Variants in KANK1 observed in about 807,000 individuals in gnomAD.
KANK1 encodes KN motif and ankyrin repeat domain-containing protein 1.
Under a neutral mutation model 106.2 loss-of-function variants are expected in KANK1, and 109 were observed. The ratio of observed to expected loss-of-function variants is 1.03; its 90% CI spans 0.88 to 1.20. The LOEUF (loss-of-function observed/expected upper bound fraction) is 1.20. Among genes scored for constraint, KANK1 ranks in the 50% most tolerant of loss-of-function variants. KANK1 has a pLI of 0.00. For synonymous variants in KANK1, 873 were observed against 652.2 expected (o/e 1.34, Z -5.16); for missense variants, 2,399 against 1,710.7 (o/e 1.40, Z -7.10).
chr9:597,799 G>T (rs1429043553), intron 1 of KANK1, among the ~76,000 whole-genome samples: 3 of 151,556 alleles, frequency 2.0e-5, no homozygotes, highest in African/African-American at 7.3e-5. Flanking sequence ...GGGTAGCTGG[G>T]ATTACAGGCA....
chr9:609,098 C>T (rs75780516), intron 1 of KANK1, among the ~76,000 whole-genome samples: 5,843 of 151,730 alleles, frequency 0.039, 128 homozygotes, highest in Non-Finnish European at 0.055. Flanking sequence ...TGACCCCTAA[C>T]CCTTCAGAAA....
chr9:693,041 T>C (rs982733631), intron 2 of KANK1, among the ~76,000 whole-genome samples: 11 of 151,846 alleles, frequency 7.2e-5, no homozygotes, highest in Non-Finnish European at 1.2e-4. Flanking sequence ...TGAATTTAAA[T>C]CATTAGGGGA....
At chr9:686,683 T>C (rs1383970567) in intron 2 of KANK1, 1 of 866,900 alleles carries the variant, frequency 1.2e-6, no homozygotes, top group Non-Finnish European at 1.4e-6. Context: ...GGGACAACTG[T>C]TTGGCAGTGT....
At chr9:684,541 C>G (rs146742630) in intron 2 of KANK1, 3 of 984,068 alleles carry the variant, frequency 3.0e-6, no homozygotes, top group African/African-American at 3.5e-5. Context: ...TTTGAAAACT[C>G]TGTGCTCTGC....
intron 3 of KANK1, among the ~76,000 whole-genome samples, chr9:727,146 G>A (rs1006153966): frequency 8.5e-5 from 13 of 152,122 alleles, no homozygotes; most frequent in African/African-American, 3.1e-4. Flanking sequence ...CTTACAAGCA[G>A]ACTGTCTGCC....
intron 1 of KANK1, among the ~76,000 whole-genome samples, chr9:528,566 C>A (rs1005570067): frequency 7.5e-6 from 1 of 134,072 alleles, no homozygotes; most frequent in Non-Finnish European, 1.6e-5. Flanking sequence ...ACTGCAGTCT[C>A]TGCCTTCTGG....
rs1311911634 is a variant in KANK1, at chr9:731,180, A to T, written c.2919A>T (p.Thr973=). 1 of 1,609,626 alleles carries T rather than the reference A, an allele frequency of 6.2e-7. No individual in the cohort carries two copies. Among genetic ancestry groups the T allele is most frequent in the Non-Finnish European group, 8.5e-7 (1 of 1,176,218 alleles). Residue 973 remains threonine, a synonymous_variant, in exon 5 of 12, where the codon ACA becomes ACT. Transcript: ENST00000382297. The part of the protein sequence containing the change: ...GLYACTNNES[T]LKSIMKKKDG... ...CAGCATGTACAAACAATGAAAGTACACTGAAGTCCATCATGAAGAAGAAAG... is the reference window on the plus strand; with the variant it reads ...CAGCATGTACAAACAATGAAAGTACTCTGAAGTCCATCATGAAGAAGAAAG...
intron 3 of KANK1, among the ~76,000 whole-genome samples, chr9:491,687 A>C (rs1564120132): frequency 6.6e-6 from 1 of 152,142 alleles, no homozygotes; most frequent in Non-Finnish European, 1.5e-5. Context: ...GTCAAACACA[A>C]ATCACCTAAA....
chr9:669,649 G>A (rs1746574758), intron 1 of KANK1, among the ~76,000 whole-genome samples: 1 of 151,900 alleles, frequency 6.6e-6, no homozygotes, highest in Non-Finnish European at 1.5e-5. Context: ...GCTGCTTTTA[G>A]TATCCTCTTT....
intron 1 of KANK1, among the ~76,000 whole-genome samples, chr9:664,651 C>G (rs951296410): frequency 3.3e-5 from 5 of 152,166 alleles, no homozygotes; most frequent in African/African-American, 1.2e-4. Flanking sequence ...GTACAGATCT[C>G]TCTTCAATAT....
rs1357473171 is a variant in KANK1, at chr9:661,507, A to C, written c.-83-15383A>C. On this transcript the variant is annotated intron_variant, in intron 1 of 11. Coordinates refer to ENST00000382297, the MANE Select transcript of KANK1 (RefSeq NM_015158.5). ...CCATGGTGTATATGTGCCACGTTTT[A>C]TTAATCCAGTCTATCATTGATGGGC... Among the ~76,000 whole-genome samples, 6 of 152,142 alleles carry C rather than the reference A, an allele frequency of 3.9e-5. No homozygotes were observed. The East Asian group carries it at 7.7e-4, about 20-fold the overall frequency.
chr9:673,745 A>G (rs534529332), intron 1 of KANK1: 1 of 152,142 alleles, frequency 6.6e-6, no homozygotes, highest in East Asian at 1.9e-4. Context: ...ACCTTGACAC[A>G]TACTTCATTC....
intron 1 of KANK1, among the ~76,000 whole-genome samples, chr9:531,988 A>G (rs373191022): frequency 7.6e-4 from 116 of 152,302 alleles, no homozygotes; most frequent in African/African-American, 2.7e-3. Flanking sequence ...AGGAATTTCA[A>G]CAACTTGTTT....
At chr9:655,502 C>T (rs1841947170) in intron 1 of KANK1, among the ~76,000 whole-genome samples, 1 of 152,132 alleles carries the variant, frequency 6.6e-6, no homozygotes. Flanking sequence ...CCTTCCACTT[C>T]AGTGTGCATA....
Position 712,985 on chromosome 9 carries a change from C to T in KANK1, c.2219C>T (p.Thr740Met), listed in dbSNP as rs778458204. 33 of 1,614,068 alleles carry T rather than the reference C, an allele frequency of 2.0e-5. No homozygotes were observed. The highest frequency in any genetic ancestry group is 4.5e-5 in the East Asian group (2 of 44,902). The change falls in exon 3 of 12, where the codon ACG becomes ATG. Residue 740 changes from threonine to methionine, a missense_variant. Coordinates refer to ENST00000382297, the MANE Select transcript of KANK1 (RefSeq NM_015158.5). Reference sequence around the variant, plus strand: ...AAGACGCGGTCCATTGGTGTTGGAACGTTGCTTTCTGGCCATTCTGGGTTT... The same window carrying T: ...AAGACGCGGTCCATTGGTGTTGGAATGTTGCTTTCTGGCCATTCTGGGTTT... The part of the protein sequence containing the change: ...STKTRSIGVG[T>M]LLSGHSGFDR...
chr9:722,800 T>G (rs1829703826), intron 3 of KANK1, among the ~76,000 whole-genome samples: 1 of 152,174 alleles, frequency 6.6e-6, no homozygotes, highest in Non-Finnish European at 1.5e-5. Flanking sequence ...CATGGACACT[T>G]ATTAAAGGCT....
chr9:740,640 T>G, intron 8 of KANK1, 152 bp from the exon 9 acceptor site: 1 of 835,324 alleles, frequency 1.2e-6, no homozygotes, highest in Non-Finnish European at 1.8e-6. Flanking sequence ...TGAAAACATC[T>G]CTCACATTTC....
intron 2 of KANK1, among the ~76,000 whole-genome samples, 156 bp from the exon 3 acceptor site, chr9:710,648 A>T (rs1825766717): frequency 6.8e-6 from 1 of 147,672 alleles, no homozygotes. Context: ...AACAAAAAAA[A>T]CTTGCTTACC....
At chr9:704,718 C>T (rs1413157952) in intron 2 of KANK1, among the ~76,000 whole-genome samples, 2 of 152,132 alleles carry the variant, frequency 1.3e-5, no homozygotes, top group Admixed American at 6.5e-5. Flanking sequence ...TAGTGGCTTA[C>T]ACCTGTAATT....
Sources: allele counts gnomAD v4.1 joint callset (sites outside exome capture counted in the v4.1 genomes callset), GRCh38; gene constraint gnomAD v4.1.1; transcripts MANE v1.5; gene names NCBI Gene and HGNC (gene_info 2026-07-23, HGNC 2026-07-21).